Variants in CFAP299 observed in about 807,000 individuals in gnomAD.
CFAP299 encodes the protein cilia- and flagella-associated protein 299.
CFAP299 carries 21 observed loss-of-function variants against 27.0 expected under a neutral mutation model. The ratio of observed to expected loss-of-function variants is 0.78; its 90% CI spans 0.55 to 1.12. The LOEUF (loss-of-function observed/expected upper bound fraction) is 1.12, where lower values mean the gene tolerates loss of function less well. Among genes scored for constraint, CFAP299 ranks in the 50% most tolerant of loss-of-function variants. The pLI, the probability that CFAP299 is intolerant of heterozygous loss-of-function variation, is 0.00. For missense variants in CFAP299, 310 were observed against 276.6 expected (o/e 1.12, Z -0.86); for synonymous variants, 104 against 98.1 (o/e 1.06, Z -0.36).
intron 4 of CFAP299, among the ~76,000 whole-genome samples, chr4:80,892,354 A>T (rs1214155331): frequency 6.6e-6 from 1 of 152,148 alleles, no homozygotes; most frequent in African/African-American, 2.4e-5. Context: ...CAAAAACCAA[A>T]TCAAAATTGA....
At chr4:80,580,332 A>G (rs1208331800) in intron 2 of CFAP299, among the ~76,000 whole-genome samples, 1 of 152,032 alleles carries the variant, frequency 6.6e-6, no homozygotes, top group African/African-American at 2.4e-5. Context: ...TGATTCTACT[A>G]AGGCAAAGAG....
chr4:80,679,537 C>T (rs751850960), intron 3 of CFAP299, among the ~76,000 whole-genome samples: 6 of 151,830 alleles, frequency 4.0e-5, no homozygotes, highest in Admixed American at 2.0e-4. Context: ...ACATTGCTAC[C>T]AACAATGTAT....
chr4:80,324,188 C>T, the CFAP299 span, among the ~76,000 whole-genome samples: 7 of 152,136 alleles, frequency 4.6e-5, no homozygotes, highest in African/African-American at 1.4e-4. Flanking sequence ...TCCCTGTGTC[C>T]ACGTGAAGAA....
At chr4:80,358,871 C>T (rs997722296) in intron 1 of CFAP299, among the ~76,000 whole-genome samples, 1 of 152,118 alleles carries the variant, frequency 6.6e-6, no homozygotes, top group Non-Finnish European at 1.5e-5. Flanking sequence ...ACAGTTTTAG[C>T]TAGTTATTTT....
intron 4 of CFAP299, among the ~76,000 whole-genome samples, chr4:80,908,551 G>A (rs142044534): frequency 1.3e-4 from 20 of 152,208 alleles, no homozygotes; most frequent in African/African-American, 4.1e-4. Context: ...TACATACTCT[G>A]ATTTGGTGAT....
At chr4:80,594,119 G>A (rs1037042525) in intron 3 of CFAP299, among the ~76,000 whole-genome samples, 10 of 151,782 alleles carry the variant, frequency 6.6e-5, no homozygotes, top group South Asian at 4.2e-4. Context: ...GTCCATTTTC[G>A]CACTGCTATA....
At chr4:80,568,125 G>C (rs914466504) in intron 2 of CFAP299, among the ~76,000 whole-genome samples, 2 of 151,662 alleles carry the variant, frequency 1.3e-5, no homozygotes, top group African/African-American at 4.8e-5. Flanking sequence ...AAATGAGTTA[G>C]AAAAACTTTT....
intron 2 of CFAP299, among the ~76,000 whole-genome samples, chr4:80,566,097 ACTC>A (rs1333912160): frequency 2.0e-5 from 3 of 151,530 alleles, no homozygotes; most frequent in African/African-American, 7.3e-5. Context: ...TGGCCCAAGA[ACTC>A]CTGTATGGCT....
chr4:80,809,014 C>G (rs981334143), intron 3 of CFAP299, among the ~76,000 whole-genome samples: 1 of 152,096 alleles, frequency 6.6e-6, no homozygotes, highest in Non-Finnish European at 1.5e-5. Flanking sequence ...AAAGCAAAAA[C>G]AGCTTTTGCA....
intron 2 of CFAP299, among the ~76,000 whole-genome samples, chr4:80,425,776 G>A (rs1007001634): frequency 1.3e-5 from 2 of 152,166 alleles, no homozygotes; most frequent in Non-Finnish European, 1.5e-5. Context: ...CCTTTTTGTG[G>A]AGTTGTTAGT....
At chr4:80,468,484 G>A (rs941630229) in intron 2 of CFAP299, among the ~76,000 whole-genome samples, 1 of 151,856 alleles carries the variant, frequency 6.6e-6, no homozygotes, top group Non-Finnish European at 1.5e-5. Flanking sequence ...TTGTTCTCCC[G>A]AAGTGCTGGG....
At chr4:80,446,723 C>A (rs1728631999) in intron 2 of CFAP299, among the ~76,000 whole-genome samples, 1 of 152,302 alleles carries the variant, frequency 6.6e-6, no homozygotes, top group East Asian at 1.9e-4. Flanking sequence ...GCCACCAACT[C>A]TATTACATTT....
intron 3 of CFAP299, among the ~76,000 whole-genome samples, chr4:80,801,222 T>A (rs143729587): frequency 5.9e-5 from 9 of 152,034 alleles, no homozygotes; most frequent in African/African-American, 1.9e-4. Context: ...TATAGATTTT[T>A]ATATATTTAA....
At chr4:80,827,605 A>G (rs954830888) in intron 3 of CFAP299, among the ~76,000 whole-genome samples, 68 of 152,116 alleles carry the variant, frequency 4.5e-4, no homozygotes, top group Non-Finnish European at 2.7e-4. Flanking sequence ...AGCAAATATC[A>G]TGAAAGACTG....
intron 2 of CFAP299, among the ~76,000 whole-genome samples, chr4:80,440,096 C>T (rs1409232752): frequency 1.3e-5 from 2 of 152,152 alleles, no homozygotes; most frequent in Non-Finnish European, 2.9e-5. Flanking sequence ...GGACAGAGCA[C>T]CTGGGAGAAG....
intron 2 of CFAP299, among the ~76,000 whole-genome samples, chr4:80,372,438 T>C (rs1308386165): frequency 6.6e-6 from 1 of 152,242 alleles, no homozygotes; most frequent in African/African-American, 2.4e-5. Flanking sequence ...AGGCGTTCAA[T>C]GAGTCCCCAG....
rs149970704 is a variant in CFAP299 at position 80,910,747 on chromosome 4, A to C, written c.477-34063A>C. ...GTACCTGTATGACAATCTGTACAAC[A>C]AACTCCCGTGACATTTACCTATATA... On this transcript the variant is annotated intron_variant, in intron 4 of 5. Transcript: ENST00000358105. Among the ~76,000 whole-genome samples the C allele has an allele frequency of 1.5e-4, 23 of 152,208 alleles. 1 individual carries two copies. Among genetic ancestry groups the C allele is most frequent in the African/African-American group, 5.5e-4 (23 of 41,562 alleles).
In CFAP299 at chr4:80,928,122, G is replaced by T. The variant is rs142353553; in HGVS notation, c.477-16688G>T. ...GGAAGCGTCTCTCCCCCAGCGTTCTGTTCTGTTTCTTCATCATAGTTCCAA... is the reference window on the plus strand; with the variant it reads ...GGAAGCGTCTCTCCCCCAGCGTTCTTTTCTGTTTCTTCATCATAGTTCCAA... On this transcript the variant is annotated intron_variant, in intron 4 of 5. Transcript: ENST00000358105. Among the ~76,000 whole-genome samples, 469 of 152,174 alleles carry T rather than the reference G, an allele frequency of 3.1e-3. 2 individuals are homozygous for T. The highest frequency in any genetic ancestry group is 0.011 in the African/African-American group (450 of 41,536).
At position 80,863,648 on chromosome 4, in the gene CFAP299, A is replaced by G. The variant is rs192751869; in HGVS notation, c.334-6345A>G. On this transcript the variant is annotated intron_variant, in intron 3 of 5. Coordinates refer to ENST00000358105, the MANE Select transcript of CFAP299 (RefSeq NM_152770.3). ...GGATTTTTTACATGGTTAACCAAAA[A>G]CTAGTATTTTCTGCTTAGGTTGCCA... Among the ~76,000 whole-genome samples the G allele has an allele frequency of 6.6e-5, 10 of 152,158 alleles. No individual in the cohort carries two copies. The East Asian group carries it at 1.9e-3, about 29-fold the overall frequency.
Sources: gnomAD v4.1 joint callset for allele counts (sites outside exome capture counted in the v4.1 genomes callset) on GRCh38, gnomAD v4.1.1 for gene constraint, MANE v1.5 for transcripts, NCBI Gene and HGNC (gene_info 2026-07-23, HGNC 2026-07-21) for gene names.